Variants in NAT1 observed in about 807,000 individuals in gnomAD.
NAT1 encodes the protein N-acetyltransferase 1, also known as arylamine N-acetyltransferase 1.
For synonymous variants in NAT1, 144 were observed against 122.6 expected, an observed-to-expected ratio of 1.17 and a Z score of -1.16; for missense variants, 400 against 339.2, an observed-to-expected ratio of 1.18 and a Z score of -1.41.
chr8:18,173,900 A>C (rs1802191640), intron 2 of NAT1, among the ~76,000 whole-genome samples: 1 of 151,714 alleles, frequency 6.6e-6, no homozygotes, highest in Non-Finnish European at 1.5e-5. Context: ...TTATAGTTTC[A>C]TTGCAATTAC....
intron 2 of NAT1, among the ~76,000 whole-genome samples, chr8:18,180,201 A>G (rs574345108): frequency 1.3e-5 from 2 of 152,290 alleles, no homozygotes; most frequent in East Asian, 3.9e-4. Context: ...GGTGGGCTTG[A>G]TGAGTGGACT....
rs1293918771 is a variant in NAT1 at position 18,222,303 on chromosome 8, A to G, written c.256A>G (p.Thr86Ala). 2 of 1,614,078 alleles carry G rather than the reference A, an allele frequency of 1.2e-6. No homozygotes were observed. Among genetic ancestry groups the G allele is most frequent in the Admixed American group, 1.7e-5 (1 of 60,016 alleles). ...YWALTTIGFE[T>A]TMLGGYVYST... ...GGCTCTGACCACTATTGGTTTTGAG[A>G]CCACGATGTTGGGAGGGTATGTTTA... is the stretch of plus-strand genomic sequence containing the variant. The change falls in exon 3 of 3, where the codon ACC becomes GCC. Residue 86 changes from threonine (T) to alanine (A), a missense_variant. Thr to Ala is a moderately conservative substitution (Grantham distance 58). Coordinates refer to ENST00000307719, the MANE Select transcript of NAT1 (RefSeq NM_000662.8).
rs1805468216 is a variant in NAT1 at position 18,222,729 on chromosome 8, C to G, written c.682C>G (p.Pro228Ala). 2 of 1,613,968 alleles carry G rather than the reference C, an allele frequency of 1.2e-6. No individual in the cohort carries two copies. The highest frequency in any genetic ancestry group is 2.2e-5 in the East Asian group (1 of 44,860). Residue 228 changes from proline to alanine, a missense_variant, in exon 3 of 3, where the codon CCA (proline) becomes GCA (alanine). Coordinates refer to ENST00000307719, the MANE Select transcript of NAT1 (RefSeq NM_000662.8). ...TSKSFCSLQTPDGVHCLVGFT... is the reference protein window; with the variant it reads ...TSKSFCSLQTADGVHCLVGFT... The stretch of plus-strand genomic sequence containing the variant: ...TAAATCATTTTGTTCCTTGCAGACC[C>G]CAGATGGGGTTCACTGTTTGGTGGG...
chr8:18,216,940 G>A (rs1431158531), intron 1 of NAT1: 2 of 1,551,348 alleles, frequency 1.3e-6, no homozygotes, highest in Admixed American at 2.0e-5. Context: ...GAGCCACAGG[G>A]TCCAGCTGTT....
chr8:18,192,368 A>G (rs1442743652), intron 2 of NAT1, among the ~76,000 whole-genome samples: 1 of 152,190 alleles, frequency 6.6e-6, no homozygotes, highest in Non-Finnish European at 1.5e-5. Flanking sequence ...GGGGAGAAAT[A>G]GGAACACTTT....
chr8:18,212,767 G>C (rs538687871), intron 1 of NAT1: 1 of 152,470 alleles, frequency 6.6e-6, no homozygotes, highest in South Asian at 2.1e-4. Flanking sequence ...AGATCTGAAG[G>C]GATCCAGGTA....
At chr8:18,175,258 T>C (rs1310047143) in intron 2 of NAT1, among the ~76,000 whole-genome samples, 1 of 152,040 alleles carries the variant, frequency 6.6e-6, no homozygotes, top group African/African-American at 2.4e-5. Context: ...TTATGAAATA[T>C]ACATTATTAT....
intron 2 of NAT1, among the ~76,000 whole-genome samples, chr8:18,185,500 C>T (rs1282286558): frequency 6.6e-6 from 1 of 152,098 alleles, no homozygotes; most frequent in Non-Finnish European, 1.5e-5. Context: ...CAATATTCCC[C>T]TTTTCAATCC....
chr8:18,218,142 A>T (rs992564473), intron 1 of NAT1, among the ~76,000 whole-genome samples: 3 of 152,038 alleles, frequency 2.0e-5, no homozygotes, highest in African/African-American at 7.3e-5. Context: ...CTTCTCCTCT[A>T]TTATTTCCTT....
intron 2 of NAT1, among the ~76,000 whole-genome samples, chr8:18,176,189 C>T (rs10104984): frequency 6.6e-6 from 1 of 151,878 alleles, no homozygotes; most frequent in Non-Finnish European, 1.5e-5. Flanking sequence ...TTTCTTTTGC[C>T]GTGCAGAAGT....
chr8:18,219,913 A>C (rs957043555), intron 2 of NAT1, among the ~76,000 whole-genome samples: 36 of 152,230 alleles, frequency 2.4e-4, no homozygotes, highest in Admixed American at 6.5e-5. Context: ...AGAGGCAAAA[A>C]AAGAAAAAGA....
intron 2 of NAT1, among the ~76,000 whole-genome samples, chr8:18,181,841 C>T (rs1323942970): frequency 6.6e-6 from 1 of 152,126 alleles, no homozygotes; most frequent in Non-Finnish European, 1.5e-5. Flanking sequence ...GTGAAGCAGG[C>T]CAGGACTTGT....
chr8:18,207,915 C>G (rs1347881183), upstream of NAT1, among the ~76,000 whole-genome samples: 1 of 152,156 alleles, frequency 6.6e-6, no homozygotes, highest in African/African-American at 2.4e-5. Flanking sequence ...TACATATAGA[C>G]CATGGAATAC....
chr8:18,170,473 C>T (rs1018946209), upstream of NAT1: 3 of 152,156 alleles, frequency 2.0e-5, no homozygotes, highest in African/African-American at 7.2e-5. Flanking sequence ...ACACATTCTG[C>T]TCAAATAAAG....
chr8:18,188,057 T>C (rs1260959776), intron 2 of NAT1, among the ~76,000 whole-genome samples: 2 of 151,916 alleles, frequency 1.3e-5, no homozygotes, highest in African/African-American at 4.8e-5. Flanking sequence ...TCAAAAAAGT[T>C]AAAATTCATC....
intron 2 of NAT1, among the ~76,000 whole-genome samples, chr8:18,174,397 C>T (rs1433741427): frequency 6.6e-6 from 1 of 152,102 alleles, no homozygotes; most frequent in East Asian, 1.9e-4. Flanking sequence ...CCAGAAGTCA[C>T]CTCACCCCTT....
chr8:18,187,044 T>C (rs1392833755), intron 2 of NAT1, among the ~76,000 whole-genome samples: 1 of 152,172 alleles, frequency 6.6e-6, no homozygotes, highest in African/African-American at 2.4e-5. Context: ...AACACCTGTA[T>C]TCCCCGCCAT....
intron 1 of NAT1, among the ~76,000 whole-genome samples, chr8:18,213,679 T>C (rs1047917877): frequency 6.6e-6 from 1 of 152,224 alleles, no homozygotes; most frequent in Non-Finnish European, 1.5e-5. Flanking sequence ...CATGAATTGC[T>C]ATCTGTTCTA....
intron 1 of NAT1, among the ~76,000 whole-genome samples, chr8:18,211,748 C>A (rs1256905941): frequency 6.6e-6 from 1 of 151,696 alleles, no homozygotes; most frequent in Non-Finnish European, 1.5e-5. Context: ...GTTGTAGTGT[C>A]AATTTAGTGG....
Sources: allele counts gnomAD v4.1 joint callset (sites outside exome capture counted in the v4.1 genomes callset), GRCh38; gene constraint gnomAD v4.1.1; transcripts MANE v1.5; gene names NCBI Gene and HGNC (gene_info 2026-07-23, HGNC 2026-07-21).